NCOA2: variants seen among roughly 807,000 people sequenced by gnomAD.
NCOA2 encodes class E basic helix-loop-helix protein 75.
In NCOA2, 21 loss-of-function variants were observed where a neutral mutation model predicts 145.1. The ratio of observed to expected loss-of-function variants is 0.14; its 90% CI spans 0.10 to 0.21. The LOEUF is 0.21. NCOA2 is among the 10% of genes least tolerant of loss of function. The probability of loss-of-function intolerance (pLI) is 1.00; values close to 1 mark genes in which losing one functional copy is unlikely to be tolerated. For missense variants in NCOA2, 1,472 were observed against 1,837.6 expected (o/e 0.80, Z 3.64); for synonymous variants, 619 against 637.5 (o/e 0.97, Z 0.44).
chr8:70,172,451 C>T (rs1585948413), intron 5 of NCOA2, among the ~76,000 whole-genome samples: 1 of 152,178 alleles, frequency 6.6e-6, no homozygotes, highest in African/African-American at 2.4e-5. Flanking sequence ...AAACTAAGTG[C>T]TCTCTCAAAT....
At chr8:70,171,517 C>T (rs983205207) in intron 5 of NCOA2, among the ~76,000 whole-genome samples, 32 of 152,098 alleles carry the variant, frequency 2.1e-4, no homozygotes, top group African/African-American at 7.5e-4. Context: ...GTTACATTAC[C>T]CCATTTTTCT....
At chr8:70,394,234 C>T (rs547951180) in intron 1 of NCOA2, among the ~76,000 whole-genome samples, 11 of 152,338 alleles carry the variant, frequency 7.2e-5, no homozygotes, top group South Asian at 6.2e-4. Context: ...TGGCTCACCA[C>T]AACCTCCGCC....
chr8:70,317,192 C>A (rs569722048), intron 1 of NCOA2, among the ~76,000 whole-genome samples: 23 of 152,274 alleles, frequency 1.5e-4, no homozygotes, highest in Middle Eastern at 3.4e-3. Flanking sequence ...TGGATTCTAT[C>A]CTCTTTGTTT....
rs1812318368 is a variant in NCOA2, at chr8:70,156,586, A to G, written c.1779T>C (p.Ser593=). Residue 593 remains serine (S), a synonymous_variant, in exon 11 of 23, where the codon TCT becomes TCC. Transcript: ENST00000452400. ...KDCFGLYGEP[S]EGTTGQAESS... is the part of the protein sequence containing the mutation. ...TCTCTGCTTGTCCAGTTGTACCTTC[A>G]GAGGGCTCCCCATATAGTCCAAAAC... 6.2e-7 allele frequency: 1 copy of G among 1,613,944 alleles called. No individual in the cohort carries two copies. The highest frequency in any genetic ancestry group is 8.5e-7 in the Non-Finnish European group (1 of 1,179,894).
At chr8:70,394,124 A>G (rs1813449619) in intron 1 of NCOA2, among the ~76,000 whole-genome samples, 2 of 152,222 alleles carry the variant, frequency 1.3e-5, no homozygotes, top group Admixed American at 1.3e-4. Flanking sequence ...CTATTTAGAA[A>G]AGAGTACAGT....
In NCOA2 at chr8:70,322,383, T is replaced by C. The variant is rs1041600382; in HGVS notation, c.-76-25583A>G. Among the ~76,000 whole-genome samples the C allele has an allele frequency of 2.6e-4, 39 of 152,198 alleles. 2 individuals carry two copies. Among genetic ancestry groups the C allele is most frequent in the Admixed American group, 2.6e-3 (39 of 15,280 alleles). The stretch of plus-strand genomic sequence containing the variant: ...AAATAGTTGTGGTTGCTGTAACACA[T>C]ATATTCACTACAGAAAACTGTAGAT... On this transcript the variant is annotated intron_variant, in intron 1 of 22. Coordinates refer to ENST00000452400, the MANE Select transcript of NCOA2 (RefSeq NM_006540.4).
chr8:70,420,350 G>A, the NCOA2 span, among the ~76,000 whole-genome samples: 1 of 152,124 alleles, frequency 6.6e-6, no homozygotes, highest in East Asian at 1.9e-4. Context: ...CTTAATCTTG[G>A]CTGAAATTGG....
intron 2 of NCOA2, among the ~76,000 whole-genome samples, chr8:70,287,943 G>C (rs1826358317): frequency 1.3e-5 from 2 of 152,042 alleles, no homozygotes; most frequent in African/African-American, 4.8e-5. Flanking sequence ...TTGTTTGTTT[G>C]TTTGTTTTAA....
chr8:70,188,008 G>GT (rs1816268924), intron 4 of NCOA2, among the ~76,000 whole-genome samples: 1 of 152,188 alleles, frequency 6.6e-6, no homozygotes, highest in Non-Finnish European at 1.5e-5. Context: ...CAAGAAACCT[G>GT]TTTTTGGAAA....
At chr8:70,433,993 T>C in the NCOA2 span, among the ~76,000 whole-genome samples, 2 of 152,222 alleles carry the variant, frequency 1.3e-5, no homozygotes, top group Admixed American at 1.3e-4. Context: ...AGATTCATTA[T>C]ATAAATGAGA....
Position 70,307,895 on chromosome 8 carries a change from T to A in NCOA2, c.-76-11095A>T, listed in dbSNP as rs772195652. On this transcript the variant is annotated intron_variant, in intron 1 of 22. Transcript: ENST00000452400. ...TCTATTTTTGTTTTATAGGTCTTAA[T>A]TAAACTAAAATCTTCTGTATTGAAA... Among the ~76,000 whole-genome samples, 44 of 152,204 alleles carry A rather than the reference T, an allele frequency of 2.9e-4. 1 individual carries two copies. Among genetic ancestry groups the A allele is most frequent in the African/African-American group, 7.2e-5 (3 of 41,450 alleles).
chr8:70,281,000 G>T (rs1274020945), intron 2 of NCOA2, among the ~76,000 whole-genome samples: 1 of 151,908 alleles, frequency 6.6e-6, no homozygotes, highest in Middle Eastern at 3.4e-3. Context: ...GTACACATCT[G>T]CATCCTGGCT....
chr8:70,328,137 CATACAGA>C (rs1806760308), intron 1 of NCOA2, among the ~76,000 whole-genome samples: 1 of 152,180 alleles, frequency 6.6e-6, no homozygotes, highest in Non-Finnish European at 1.5e-5. Flanking sequence ...ACCTGAGACA[CATACAGA>C]AAAGTTGAAG....
At chr8:70,226,075 G>T (rs1394707502) in intron 2 of NCOA2, among the ~76,000 whole-genome samples, 1 of 151,828 alleles carries the variant, frequency 6.6e-6, no homozygotes, top group African/African-American at 2.4e-5. Flanking sequence ...GGTGAATTTG[G>T]AAAGAAAAAT....
chr8:70,202,287 G>C (rs1394352202), intron 4 of NCOA2, among the ~76,000 whole-genome samples: 1 of 152,144 alleles, frequency 6.6e-6, no homozygotes, highest in East Asian at 1.9e-4. Context: ...GAGGTTCCCT[G>C]AAAATTTAAA....
chr8:70,268,331 A>G (rs1824776247), intron 2 of NCOA2, among the ~76,000 whole-genome samples: 1 of 152,188 alleles, frequency 6.6e-6, no homozygotes, highest in African/African-American at 2.4e-5. Context: ...TTTCAAGTAG[A>G]CCATCTAGCT....
At chr8:70,124,993 A>G in intron 19 of NCOA2, 128 bp from the exon 20 acceptor site, 2 of 650,560 alleles carry the variant, frequency 3.1e-6, no homozygotes, top group Non-Finnish European at 4.8e-6. Context: ...ATGATTGTGT[A>G]CTGATTAATT....
intron 6 of NCOA2, among the ~76,000 whole-genome samples, chr8:70,167,883 A>C (rs1404272521): frequency 6.6e-6 from 1 of 152,238 alleles, no homozygotes; most frequent in Non-Finnish European, 1.5e-5. Context: ...CTCATTTGAC[A>C]CATAAAAAAA....
chr8:70,424,619 G>T, the NCOA2 span: 1 of 392,676 alleles, frequency 2.5e-6, no homozygotes. Context: ...CTGTGGAAGA[G>T]CAAACTTTTT....
Sources: allele counts gnomAD v4.1 joint callset (sites outside exome capture counted in the v4.1 genomes callset), GRCh38; gene constraint gnomAD v4.1.1; transcripts MANE v1.5; gene names NCBI Gene and HGNC (gene_info 2026-07-23, HGNC 2026-07-21).